The following RANBP2 variants were observed in gnomAD, a reference collection of about 807,000 sequenced individuals.
RANBP2 encodes RAN binding protein 2, also known as E3 SUMO-protein ligase RanBP2.
In RANBP2, 57 loss-of-function variants were observed where a neutral mutation model predicts 303.6. The ratio of observed to expected loss-of-function variants is 0.19; its 90% confidence interval spans 0.15 to 0.23. The LOEUF (loss-of-function observed/expected upper bound fraction) is 0.23, where lower values mean the gene tolerates loss of function less well. RANBP2 is among the 10% of genes least tolerant of loss of function. The probability of loss-of-function intolerance (pLI) is 1.00; values close to 1 mark genes in which losing one functional copy is unlikely to be tolerated. For missense variants in RANBP2, 3,138 were observed against 3,780.8 expected, an observed-to-expected ratio of 0.83 and a Z score of 4.46; for synonymous variants, 1,167 against 1,301.5, an observed-to-expected ratio of 0.90 and a Z score of 2.23.
the RANBP2 span, among the ~76,000 whole-genome samples, chr2:109,696,988 G>A: frequency 1.3e-5 from 2 of 152,030 alleles, no homozygotes; most frequent in African/African-American, 4.8e-5. Context: ...ATGTTGTCCA[G>A]GCTGGTCCGG....
chr2:109,317,423 A>G, the RANBP2 span, among the ~76,000 whole-genome samples: 10 of 151,900 alleles, frequency 6.6e-5, no homozygotes, highest in Non-Finnish European at 1.3e-4. Context: ...CTCAGAAGGG[A>G]CACTGTCTAC....
the RANBP2 span, among the ~76,000 whole-genome samples, chr2:109,690,319 CTCAAAGTTGTGGGAGCA>C: frequency 6.6e-6 from 1 of 152,190 alleles, no homozygotes; most frequent in Non-Finnish European, 1.5e-5. Context: ...GGCGGGACAA[CTCAAAGTTGTGGGAGCA>C]CTTCCAGGTC....
chr2:108,807,962 C>G, the RANBP2 span, among the ~76,000 whole-genome samples: 1 of 152,298 alleles, frequency 6.6e-6, no homozygotes, highest in South Asian at 2.1e-4. Context: ...CACATTCCTT[C>G]CTTTCCACAG....
chr2:109,110,044 C>G, the RANBP2 span, among the ~76,000 whole-genome samples: 1 of 152,160 alleles, frequency 6.6e-6, no homozygotes, highest in African/African-American at 2.4e-5. Context: ...TCCTGGAGAT[C>G]TGAGACCCCT....
chr2:109,128,973 C>A, the RANBP2 span: 1 of 422,432 alleles, frequency 2.4e-6, no homozygotes, highest in East Asian at 9.5e-5. Context: ...CCTCCGCGCG[C>A]ACCCCCGCGC....
the RANBP2 span, among the ~76,000 whole-genome samples, chr2:109,584,651 T>TA: frequency 1.3e-5 from 2 of 152,126 alleles, no homozygotes; most frequent in Admixed American, 1.3e-4. Flanking sequence ...AGACACAAGG[T>TA]AAAATATAAA....
chr2:108,719,971 G>A, intron 1 of RANBP2: 1 of 985,214 alleles, frequency 1.0e-6, no homozygotes, highest in Middle Eastern at 5.2e-4. Context: ...CGGGCTTTCT[G>A]GCCGATCGCG....
At chr2:108,749,361 G>A (rs1252418749) in intron 9 of RANBP2, among the ~76,000 whole-genome samples, 3 of 152,056 alleles carry the variant, frequency 2.0e-5, no homozygotes, top group Non-Finnish European at 4.4e-5. Context: ...GCAGTGGTGC[G>A]ATCTCGGCTC....
At chr2:109,613,733 A>G in the RANBP2 span, 3 of 1,079,976 alleles carry the variant, frequency 2.8e-6, no homozygotes, top group Non-Finnish European at 3.5e-6. Context: ...CGGTGGGTCG[A>G]GGGCGGGAAG....
chr2:109,574,853 T>C, the RANBP2 span: 3 of 881,728 alleles, frequency 3.4e-6, no homozygotes, highest in Admixed American at 3.3e-5. Flanking sequence ...GAGGTCTATA[T>C]TTTCACTAAT....
the RANBP2 span, among the ~76,000 whole-genome samples, chr2:108,826,243 A>T: frequency 6.6e-6 from 1 of 152,194 alleles, no homozygotes; most frequent in South Asian, 2.1e-4. Context: ...CCTTTGAAGC[A>T]TAAAGGTTTT....
At chr2:109,432,445 G>C in the RANBP2 span, 6 of 1,598,354 alleles carry the variant, frequency 3.8e-6, no homozygotes, top group Admixed American at 3.4e-5. Flanking sequence ...AATGCCGGCC[G>C]GTCCCCTATC....
the RANBP2 span, among the ~76,000 whole-genome samples, chr2:109,365,065 A>G: frequency 1.3e-5 from 2 of 152,038 alleles, no homozygotes; most frequent in African/African-American, 4.8e-5. Flanking sequence ...CAAACAAACA[A>G]ACAAACAAAC....
chr2:109,499,250 G>A, the RANBP2 span, among the ~76,000 whole-genome samples: 1 of 152,150 alleles, frequency 6.6e-6, no homozygotes, highest in Non-Finnish European at 1.5e-5. Context: ...ATGGGTACCC[G>A]GGCAGTCCAG....
At chr2:108,912,777 T>C in the RANBP2 span, 2 of 1,577,136 alleles carry the variant, frequency 1.3e-6, no homozygotes. Flanking sequence ...GCAAGGAAAA[T>C]AGAGTCCCTC....
chr2:109,427,189 A>G, the RANBP2 span, among the ~76,000 whole-genome samples: 2 of 152,042 alleles, frequency 1.3e-5, no homozygotes, highest in African/African-American at 4.8e-5. Context: ...AGCTGGTCTC[A>G]AACTCCTGAC....
At chr2:109,010,800 T>A in the RANBP2 span, among the ~76,000 whole-genome samples, 2 of 152,244 alleles carry the variant, frequency 1.3e-5, no homozygotes, top group Admixed American at 1.3e-4. Context: ...CTTGCCCATC[T>A]TTTTGTTTCC....
At chr2:108,816,630 C>G in the RANBP2 span, among the ~76,000 whole-genome samples, 1 of 152,122 alleles carries the variant, frequency 6.6e-6, no homozygotes, top group Non-Finnish European at 1.5e-5. Context: ...ATCCATTAAT[C>G]CATGAACCCT....
At chr2:109,043,376 T>G in the RANBP2 span, among the ~76,000 whole-genome samples, 1 of 152,188 alleles carries the variant, frequency 6.6e-6, no homozygotes, top group Non-Finnish European at 1.5e-5. Flanking sequence ...GGAGTCTTCT[T>G]CTGTCCCCCA....
Sources: gnomAD v4.1 joint callset for allele counts (sites outside exome capture counted in the v4.1 genomes callset) on GRCh38, gnomAD v4.1.1 for gene constraint, MANE v1.5 for transcripts, NCBI Gene and HGNC (gene_info 2026-07-23, HGNC 2026-07-21) for gene names.